ANKRD36C: variants seen among roughly 807,000 people sequenced by gnomAD.
The protein encoded by ANKRD36C is ankyrin repeat domain 36C, also known as ankyrin repeat domain-containing protein 36C.
A neutral mutation model predicts 276.4 loss-of-function variants in ANKRD36C; 61 were observed. The observed-to-expected ratio is 0.22, with a 90% CI of 0.18 to 0.27. The LOEUF (loss-of-function observed/expected upper bound fraction) is 0.27. ANKRD36C is among the 10% of genes least tolerant of loss of function. The pLI is 1.00. For missense variants in ANKRD36C, 1,447 were observed against 2,032.3 expected, an observed-to-expected ratio of 0.71 and a Z score of 5.54; for synonymous variants, 483 against 680.1, an observed-to-expected ratio of 0.71 and a Z score of 4.51.
chr2:95,976,888 C>T (rs1350180848), intron 6 of ANKRD36C, among the ~76,000 whole-genome samples: 1 of 151,954 alleles, frequency 6.6e-6, no homozygotes, highest in African/African-American at 2.4e-5. Flanking sequence ...CTTCCTCTGA[C>T]TCCTCTCCTA....
At chr2:95,887,670 C>T (rs1475570680) in intron 50 of ANKRD36C, among the ~76,000 whole-genome samples, 1 of 151,700 alleles carries the variant, frequency 6.6e-6, no homozygotes, top group African/African-American at 2.4e-5. Flanking sequence ...TTCCCCTGAG[C>T]CCCTTATGTC....
chr2:95,891,897 A>G (rs1329806086), intron 44 of ANKRD36C, 37 bp from the exon 65 acceptor site: 1 of 1,552,394 alleles, frequency 6.4e-7, no homozygotes, highest in African/African-American at 1.4e-5. Context: ...ACTCATATGT[A>G]AAAATGACAA....
intron 45 of ANKRD36C, 31 bp from the exon 66 acceptor site, chr2:95,891,768 T>A (rs747968780): frequency 1.9e-6 from 3 of 1,563,290 alleles, no homozygotes; most frequent in Non-Finnish European, 2.6e-6. Context: ...AATAATAAAT[T>A]AATAAAGTAT....
In ANKRD36C at chr2:95,908,655, G is replaced by T; in HGVS notation, c.2653+3589C>A. ...ACATTTACTAGTTCACAACATAAATGACAGTTTCATTACCTTCAAGCCTGG... is the reference window on the plus strand; with the variant it reads ...ACATTTACTAGTTCACAACATAAATTACAGTTTCATTACCTTCAAGCCTGG... On this transcript the variant is annotated intron_variant, in intron 42 of 66. Coordinates refer to ENST00000456556, the Ensembl canonical transcript of ANKRD36C. 1 of 1,564,550 alleles carries T rather than the reference G, an allele frequency of 6.4e-7. No homozygotes were observed. Among genetic ancestry groups the T allele is most frequent in the Non-Finnish European group, 8.7e-7 (1 of 1,153,444 alleles).
At chr2:95,930,246 C>G (rs1159016943) in intron 24 of ANKRD36C, among the ~76,000 whole-genome samples, 1 of 151,460 alleles carries the variant, frequency 6.6e-6, no homozygotes, top group East Asian at 1.9e-4. Flanking sequence ...TAACCAATGT[C>G]AACAAAACAT....
rs115953176 is a variant in ANKRD36C, at chr2:95,855,359, G to A, written c.4902C>T (p.Leu1634=). 2.3e-4 allele frequency: 376 copies of A among 1,612,858 alleles called. 3 individuals carry two copies. In the African/African-American group the frequency reaches 4.3e-3, roughly 19 times the overall value. Residue 1634 remains leucine, a synonymous_variant, in exon 63 of 67, where the codon CTC becomes CTT. Coordinates refer to ENST00000456556, the Ensembl canonical transcript of ANKRD36C. ...ACATTTTATTGTCTTCTTCTAGTAA[G>A]AGACGGTGCTTTCTGCACTCAGCTT...
chr2:95,953,962 C>T (rs1573799959), exon 14 of ANKRD36C: 10 of 1,535,790 alleles, frequency 6.5e-6, no homozygotes, highest in Non-Finnish European at 8.7e-6. Context: ...GCAAACTCAT[C>T]CTCTGTCACA....
intron 54 of ANKRD36C, among the ~76,000 whole-genome samples, chr2:95,883,911 C>T (rs1354597850): frequency 6.6e-6 from 1 of 151,960 alleles, no homozygotes; most frequent in East Asian, 1.9e-4. Flanking sequence ...TTATGCTGTA[C>T]CCTGAGCCCC....
intron 60 of ANKRD36C, among the ~76,000 whole-genome samples, chr2:95,864,205 G>T (rs1476249543): frequency 2.0e-5 from 3 of 152,024 alleles, no homozygotes; most frequent in Non-Finnish European, 2.9e-5. Context: ...ATAATGAAAA[G>T]GTAATACATC....
In ANKRD36C at chr2:95,880,348, T is replaced by C. The variant is rs559039974; in HGVS notation, c.3469+79A>G. On this transcript the variant is annotated intron_variant, in intron 58 of 66. Coordinates refer to ENST00000456556, the Ensembl canonical transcript of ANKRD36C. ...AATAAAATATAAAAAGTGAAATAAT[T>C]GAGAATAGAAAGACTATGAGCATTA... 1.9e-5 allele frequency: 20 copies of C among 1,064,916 alleles called. No homozygotes were observed. The African/African-American group carries it at 3.2e-4, about 17-fold the overall frequency. 66.0% of individuals were successfully genotyped at this position (1,064,916 alleles called of 1,614,324 possible).
At chr2:95,880,604 G>A (rs189877528) in exon 57 of ANKRD36C, 63,528 of 1,521,088 alleles carry the variant, frequency 0.042, 1,544 homozygotes, top group Non-Finnish European at 0.048. Flanking sequence ...CCTTCAAGGT[G>A]GGCAGATTCT....
rs1468316558 is a variant in ANKRD36C, at chr2:95,912,354, G to A, written c.2581-38C>T. 3 of 1,601,860 alleles carry A rather than the reference G, an allele frequency of 1.9e-6. No individual in the cohort carries two copies. The South Asian group carries it at 3.3e-5, about 18-fold the overall frequency. ...TGAAACAAAATAATAAATAAGGTAT[G>A]TTTCATAGGCTTTACGTTTACTAGC... On this transcript the variant is annotated intron_variant, in intron 41 of 66. Transcript: ENST00000456556.
At chr2:95,910,702 T>G in intron 42 of ANKRD36C, 134 bp from the exon 45 acceptor site, 1 of 1,503,412 alleles carries the variant, frequency 6.7e-7, no homozygotes, top group Non-Finnish European at 9.0e-7. Flanking sequence ...CTACTTTGTG[T>G]CTGGGGACTA....
rs776398409 is a variant in ANKRD36C, at chr2:95,986,759, A to G, written c.478T>C (p.Cys160Arg). Residue 160 changes from cysteine (C) to arginine (R), a missense_variant, in exon 3 of 67, where the codon TGC (cysteine) becomes CGC (arginine). Physicochemically the swap from Cys to Arg is radical, Grantham distance 180. This residue lies in a region of ANKRD36C where 158 missense variants were observed against 218.0 expected (regional missense o/e 0.72). Coordinates refer to ENST00000456556, the Ensembl canonical transcript of ANKRD36C. ...CATTGGTTGACCTATACCTCGCTGCATTCTTCAATATTTGCACCATATGAA... is the reference window on the plus strand; with the variant it reads ...CATTGGTTGACCTATACCTCGCTGCGTTCTTCAATATTTGCACCATATGAA... 12 of 1,611,344 alleles carry G rather than the reference A, an allele frequency of 7.4e-6. No homozygotes were observed. In the African/African-American group the frequency reaches 1.3e-4, roughly 18 times the overall value.
chr2:95,981,711 G>T (rs1380349058), intron 4 of ANKRD36C, among the ~76,000 whole-genome samples: 1 of 151,644 alleles, frequency 6.6e-6, no homozygotes, highest in East Asian at 1.9e-4. Context: ...GATAAGTAAT[G>T]TTACCAAGGT....
intron 44 of ANKRD36C, 67 bp from the exon 65 acceptor site, chr2:95,891,927 C>G: frequency 6.5e-7 from 1 of 1,544,750 alleles, no homozygotes; most frequent in Non-Finnish European, 8.7e-7. Flanking sequence ...CACATTCATG[C>G]AGTGTTAGCA....
exon 8 of ANKRD36C, chr2:95,962,379 T>C: frequency 6.4e-7 from 1 of 1,561,218 alleles, no homozygotes; most frequent in Non-Finnish European, 8.7e-7. Flanking sequence ...CCATCCTTTA[T>C]TTCTGTGGCT....
chr2:95,872,953 C>A (rs574927079), intron 59 of ANKRD36C, among the ~76,000 whole-genome samples: 2 of 152,220 alleles, frequency 1.3e-5, no homozygotes, highest in South Asian at 4.2e-4. Flanking sequence ...TACACCCTCC[C>A]AAGACTAAAC....
exon 64 of ANKRD36C, chr2:95,853,798 C>G (rs759862683): frequency 5.0e-6 from 8 of 1,607,564 alleles, no homozygotes; most frequent in Non-Finnish European, 5.9e-6. Flanking sequence ...TCCAGCAAAG[C>G]TTTTGTTGCT....
Sources: allele counts gnomAD v4.1 joint callset (sites outside exome capture counted in the v4.1 genomes callset), GRCh38; gene constraint gnomAD v4.1.1; regional missense constraint gnomAD v4.1.1; transcripts MANE v1.5; gene names NCBI Gene and HGNC (gene_info 2026-07-23, HGNC 2026-07-21).